MGST1: variants seen among roughly 807,000 people sequenced by gnomAD.
MGST1 encodes the protein microsomal glutathione S-transferase 1.
A neutral mutation model predicts 8.9 loss-of-function variants in MGST1; 5 were observed. The ratio of observed to expected loss-of-function variants is 0.56; its 90% CI spans 0.29 to 1.19. The LOEUF is 1.19. Ranked by LOEUF, MGST1 falls within the 50% of genes most tolerant of loss-of-function variation. The pLI is 0.08. For synonymous variants in MGST1, 54 were observed against 67.8 expected (o/e 0.80, Z 1.00); for missense variants, 182 against 187.4 (o/e 0.97, Z 0.17).
rs1941840500 is a variant in MGST1, at chr12:16,547,538, A to T, written n.483-41990A>T. Among the ~76,000 whole-genome samples, 1 of 152,132 alleles carries T rather than the reference A, an allele frequency of 6.6e-6. No homozygotes were observed. The highest frequency in any genetic ancestry group is 6.6e-5 in the Admixed American group (1 of 15,250). ...GAGATGAGCACAAACCAGTGCAAAG[A>T]CATGTTAAAGTTATTTGATCTAGGC... is the stretch of plus-strand genomic sequence containing the variant. On this transcript the variant is annotated intron_variant and non_coding_transcript_variant, in intron 4 of 4. Transcript: ENST00000538857. The surrounding 1 kb of genome is among the most constrained non-coding windows in gnomAD (Gnocchi z 4.6).
At chr12:16,484,016 G>A (rs1169739829) in intron 4 of MGST1, among the ~76,000 whole-genome samples, 1 of 152,168 alleles carries the variant, frequency 6.6e-6, no homozygotes, top group Non-Finnish European at 1.5e-5. Flanking sequence ...ACTACAGTGG[G>A]ACCAAATTAG....
At position 16,543,560 on chromosome 12, in the gene MGST1, TGG is replaced by T. The variant is rs1226717422; in HGVS notation, n.483-45967_483-45966del. On this transcript the variant is annotated intron_variant and non_coding_transcript_variant, in intron 4 of 4. Transcript: ENST00000538857. The stretch of plus-strand genomic sequence containing the variant: ...AATTTGAGATTAATAAAAATAATAG[TGG>T]TACTAATAACTTGAACACTATGTAT... Among the ~76,000 whole-genome samples the T allele has an allele frequency of 3.6e-4, 54 of 152,010 alleles. No homozygotes were observed. The East Asian group carries it at 0.01, about 28-fold the overall frequency.
At chr12:16,376,096 A>T (rs1273782653) in intron 3 of MGST1, 2 of 1,287,980 alleles carry the variant, frequency 1.6e-6, no homozygotes. Flanking sequence ...GGATATTAAA[A>T]ATCTTATTTT....
In MGST1 at chr12:16,401,528, G is replaced by C. The variant is rs1267843580; in HGVS notation, n.778+17924G>C. 1 of 976,348 alleles carries C rather than the reference G, an allele frequency of 1.0e-6. No homozygotes were observed. The highest frequency in any genetic ancestry group is 1.6e-6 in the Non-Finnish European group (1 of 611,204). The allele number at this position is 976,348 out of a possible 1,614,324, so 60.5% of individuals were successfully genotyped here. The stretch of plus-strand genomic sequence containing the variant: ...TGGAGTAAAAAGTTGTAATTTTCTT[G>C]AACTTCCTGAGGAGGATCAGCCATC... On this transcript the variant is annotated intron_variant and non_coding_transcript_variant, in intron 1 of 1. Coordinates refer to the MGST1 transcript ENST00000359720. This position sits in a 1 kb window ranked among gnomAD's most constrained non-coding sequence, Gnocchi z 4.3.
Position 16,361,280 on chromosome 12 carries a change from T to C in MGST1, c.222-2515T>C, listed in dbSNP as rs1348872314. Among the ~76,000 whole-genome samples the C allele has an allele frequency of 6.6e-6, 1 of 152,124 alleles. No homozygotes were observed. Among genetic ancestry groups the C allele is most frequent in the African/African-American group, 2.4e-5 (1 of 41,418 alleles). ...CACAGCCTGACAATCCCCAGAAGCA[T>C]GTAGCAATGGCAGTCCAGGTCAGGT... On this transcript the variant is annotated intron_variant, in intron 3 of 3. Transcript: ENST00000396210. This position sits in a 1 kb window ranked among gnomAD's most constrained non-coding sequence, Gnocchi z 4.2.
Position 16,401,370 on chromosome 12 carries a change from C to A in MGST1, n.778+17766C>A, listed in dbSNP as rs1190007794. 55 of 1,179,520 alleles carry A rather than the reference C, an allele frequency of 4.7e-5. No individual in the cohort carries two copies. The highest frequency in any genetic ancestry group is 6.7e-5 in the Non-Finnish European group (53 of 789,330). The allele number at this position is 1,179,520 out of a possible 1,614,324, so 73.1% of individuals were successfully genotyped here. A position where few individuals can be genotyped will look rare whatever the true frequency, so the allele number is the denominator to read the frequency against. The stretch of plus-strand genomic sequence containing the variant: ...AGCTTTCATGGAATTCAATTCCCAC[C>A]CCAAATCCTAGGTTTCTGGTAATTT... On this transcript the variant is annotated intron_variant and non_coding_transcript_variant, in intron 1 of 1. Transcript: ENST00000359720. This position sits in a 1 kb window ranked among gnomAD's most constrained non-coding sequence, Gnocchi z 4.3.
At chr12:16,542,646 C>T (rs187113126) in intron 4 of MGST1, among the ~76,000 whole-genome samples, 1 of 152,254 alleles carries the variant, frequency 6.6e-6, no homozygotes, top group East Asian at 1.9e-4. Context: ...TCTTTTCATT[C>T]TGTAATGGCT....
At chr12:16,405,546 T>C (rs933921770) in intron 1 of MGST1, among the ~76,000 whole-genome samples, 2 of 152,148 alleles carry the variant, frequency 1.3e-5, no homozygotes, top group African/African-American at 2.4e-5. Context: ...GAGGAGGGAC[T>C]CCTCTCCAAC....
At chr12:16,450,646 C>T (rs751181802) in intron 4 of MGST1, among the ~76,000 whole-genome samples, 1 of 151,962 alleles carries the variant, frequency 6.6e-6, no homozygotes, top group Non-Finnish European at 1.5e-5. Flanking sequence ...CACCTCTTAA[C>T]CAAACTGTTA....
At chr12:16,404,448 A>G (rs1940683507) in intron 1 of MGST1, among the ~76,000 whole-genome samples, 1 of 152,012 alleles carries the variant, frequency 6.6e-6, no homozygotes, top group South Asian at 2.1e-4. Flanking sequence ...CTGCTGATAT[A>G]TTTGAATTTA....
At chr12:16,399,433 CT>C in intron 1 of MGST1, 2 of 1,538,454 alleles carry the variant, frequency 1.3e-6, no homozygotes, top group South Asian at 2.2e-5. Context: ...TCTTGGTCCG[CT>C]TTTCGGGCTT....
chr12:16,353,785 A>T, intron 1 of MGST1, among the ~76,000 whole-genome samples: 2 of 127,446 alleles, frequency 1.6e-5, no homozygotes, highest in South Asian at 2.5e-4. Context: ...TTTGAGATAG[A>T]GTCTCTCTCT....
chr12:16,518,686 A>T (rs948595820), intron 4 of MGST1, among the ~76,000 whole-genome samples: 2 of 152,194 alleles, frequency 1.3e-5, no homozygotes, highest in East Asian at 3.8e-4. Context: ...TGATCAGCTT[A>T]AGCTTCCCAT....
chr12:16,399,259 G>C (rs1940632027), intron 1 of MGST1: 3 of 1,599,762 alleles, frequency 1.9e-6, no homozygotes, highest in African/African-American at 2.7e-5. Flanking sequence ...AGGAGCTCAG[G>C]GCCAAAGTTC....
chr12:16,525,561 G>T (rs1005055457), intron 4 of MGST1, among the ~76,000 whole-genome samples: 1 of 143,694 alleles, frequency 7.0e-6, no homozygotes, highest in African/African-American at 2.6e-5. Flanking sequence ...CATTTGGGTT[G>T]GTTCCAAGTC....
chr12:16,471,672 A>G lies in MGST1; in HGVS notation n.482+88068A>G, dbSNP rs184236157. 3.2e-4 allele frequency among the ~76,000 whole-genome samples: 49 copies of G among 152,346 alleles called. 1 individual carries two copies. Among genetic ancestry groups the G allele is most frequent in the Admixed American group, 3.0e-3 (46 of 15,300 alleles). On this transcript the variant is annotated intron_variant and non_coding_transcript_variant, in intron 4 of 4. Coordinates refer to the MGST1 transcript ENST00000538857. ...CTACAAAAGTTCAGCTTGCAGGTCC[A>G]GAAGACAATCTAACATGATCTAGCT...
intron 4 of MGST1, among the ~76,000 whole-genome samples, chr12:16,501,126 A>G (rs1343999305): frequency 6.6e-6 from 1 of 151,632 alleles, no homozygotes; most frequent in African/African-American, 2.4e-5. Flanking sequence ...AAAGAAAGAA[A>G]GAGTACTTAG....
At chr12:16,465,232 C>A (rs949029149) in intron 4 of MGST1, among the ~76,000 whole-genome samples, 1 of 152,192 alleles carries the variant, frequency 6.6e-6, no homozygotes, top group African/African-American at 2.4e-5. Flanking sequence ...GAACTCAAAA[C>A]AGTTATGAAA....
downstream of MGST1, among the ~76,000 whole-genome samples, chr12:16,441,884 TA>T (rs1192747527): frequency 6.6e-6 from 1 of 151,862 alleles, no homozygotes; most frequent in African/African-American, 2.4e-5. Context: ...AGGGTGTTTT[TA>T]GCTTTGTTGG....
Sources: allele counts gnomAD v4.1 joint callset (sites outside exome capture counted in the v4.1 genomes callset), GRCh38; gene constraint gnomAD v4.1.1; non-coding constraint Gnocchi (gnomAD v3.1); transcripts MANE v1.5; gene names NCBI Gene and HGNC (gene_info 2026-07-23, HGNC 2026-07-21).